Variants in IGF2BP1 observed in about 807,000 individuals in gnomAD.
The protein encoded by IGF2BP1 is insulin like growth factor 2 mRNA binding protein 1.
IGF2BP1 carries 11 observed loss-of-function variants against 74.9 expected under a neutral mutation model. That is an observed-to-expected ratio of 0.15 (90% confidence interval 0.09 to 0.24). The LOEUF is 0.24. Among genes scored for constraint, IGF2BP1 ranks in the 10% least tolerant of loss-of-function variants. The pLI is 1.00. For missense variants in IGF2BP1, 440 were observed against 757.4 expected, an observed-to-expected ratio of 0.58 and a Z score of 4.92; for synonymous variants, 287 against 281.8, an observed-to-expected ratio of 1.02 and a Z score of -0.18.
chr17:49,014,710 C>G (rs2041671015), intron 2 of IGF2BP1: 6 of 929,310 alleles, frequency 6.5e-6, no homozygotes, highest in Non-Finnish European at 7.7e-6. Flanking sequence ...TACTGCGCAG[C>G]GGCCGCCACT....
intron 4 of IGF2BP1, among the ~76,000 whole-genome samples, chr17:49,029,988 T>G (rs1319422378): frequency 5.3e-5 from 8 of 152,124 alleles, no homozygotes; most frequent in South Asian, 4.2e-4. Context: ...TTTTCCTAGT[T>G]AGAGCCAAGA....
At chr17:49,032,009 G>A (rs541664390) in intron 5 of IGF2BP1, 36 bp downstream of exon 5, 26 of 1,521,356 alleles carry the variant, frequency 1.7e-5, no homozygotes, top group Middle Eastern at 1.7e-4. Context: ...GGTGCGGTGG[G>A]GGGGGGTTCT....
intron 9 of IGF2BP1, among the ~76,000 whole-genome samples, chr17:49,043,144 A>ATCTC (rs1366867914): frequency 2.6e-5 from 4 of 152,182 alleles, no homozygotes; most frequent in Non-Finnish European, 4.4e-5. Context: ...AGCAGTCTGA[A>ATCTC]CAGCCAGAGA....
chr17:49,027,122 A>G (rs559689463), intron 4 of IGF2BP1, among the ~76,000 whole-genome samples: 1 of 152,168 alleles, frequency 6.6e-6, no homozygotes, highest in Non-Finnish European at 1.5e-5. Context: ...GGGGAAATAC[A>G]TTGGATTGGG....
At chr17:49,024,691 A>G (rs2041830995) in intron 2 of IGF2BP1, among the ~76,000 whole-genome samples, 1 of 152,234 alleles carries the variant, frequency 6.6e-6, no homozygotes, top group African/African-American at 2.4e-5. Flanking sequence ...TAAGTGGAGC[A>G]TAGGTTTAAA....
chr17:49,020,112 G>A (rs576836247), intron 2 of IGF2BP1, among the ~76,000 whole-genome samples: 215 of 151,312 alleles, frequency 1.4e-3, no homozygotes, highest in Admixed American at 0.011. Context: ...GGAGTGCAAT[G>A]GTGCGATCTC....
At chr17:49,025,382 A>G (rs1167157449) in intron 2 of IGF2BP1, among the ~76,000 whole-genome samples, 2 of 147,914 alleles carry the variant, frequency 1.4e-5, no homozygotes, top group Non-Finnish European at 3.0e-5. Context: ...GAGTGCTTAG[A>G]ACACCTGATT....
intron 2 of IGF2BP1, 81 bp from the exon 3 acceptor site, chr17:49,025,537 G>A: frequency 8.4e-7 from 1 of 1,189,784 alleles, no homozygotes; most frequent in Non-Finnish European, 1.2e-6. Context: ...TAGAAACTGG[G>A]GCAAGGATTA....
chr17:49,037,696 G>GT (rs1339290828), intron 5 of IGF2BP1, among the ~76,000 whole-genome samples: 1 of 152,218 alleles, frequency 6.6e-6, no homozygotes, highest in East Asian at 1.9e-4. Context: ...AAAGTTAGGA[G>GT]TATGTAGTAG....
Position 49,038,242 on chromosome 17 carries a change from T to C in IGF2BP1, c.476T>C (p.Ile159Thr), listed in dbSNP as rs766547480. ...GTCTCCTACATCCCCGATGAGCAGA[T>C]AGCACAGGGACCTGAGAATGGGCGC... ...LKVSYIPDEQ[I>T]AQGPENGRRG... The change falls in exon 6 of 15, where the codon ATA becomes ACA. Residue 159 changes from isoleucine to threonine, a missense_variant. By Grantham distance (89) the Ile-to-Thr change is moderately conservative. Around this residue, in one of 5 missense-constraint regions of IGF2BP1, gnomAD observed 184 missense variants for 273.4 expected, o/e 0.67. Transcript: ENST00000290341. 12 of 1,588,454 alleles carry C rather than the reference T, an allele frequency of 7.6e-6. No homozygotes were observed. The highest frequency in any genetic ancestry group is 1.0e-5 in the Non-Finnish European group (12 of 1,166,204).
intron 2 of IGF2BP1, among the ~76,000 whole-genome samples, chr17:49,022,712 C>T (rs1053035128): frequency 6.6e-6 from 1 of 152,202 alleles, no homozygotes; most frequent in Non-Finnish European, 1.5e-5. Context: ...TCACCACTGC[C>T]ACCCTTCTCC....
Position 49,046,392 on chromosome 17 carries a change from C to T in IGF2BP1, c.1641+19C>T. On this transcript the variant is annotated intron_variant, in intron 14 of 14. Coordinates refer to ENST00000290341, the MANE Select transcript of IGF2BP1 (RefSeq NM_006546.4). ...CAGTCAGGTACATATGGTGCTCCCC[C>T]ATTGAGGGAGGGCTGCAGGAGCCCA... The T allele has an allele frequency of 6.3e-7, 1 of 1,578,544 alleles. No homozygotes were observed. Among genetic ancestry groups the T allele is most frequent in the South Asian group, 1.1e-5 (1 of 90,350 alleles).
rs553730496 is a variant in IGF2BP1, at chr17:49,043,211, G to A, written c.1078-217G>A. 1.3e-3 allele frequency among the ~76,000 whole-genome samples: 195 copies of A among 152,306 alleles called. 1 individual carries two copies. The highest frequency in any genetic ancestry group is 2.8e-4 in the Non-Finnish European group (19 of 68,022). ...GCATTTCTGGTTGCAATTGCTAGCC[G>A]TTAGTCCAGTGAGAACATCATATCA... On this transcript the variant is annotated intron_variant, in intron 9 of 14. Coordinates refer to ENST00000290341, the MANE Select transcript of IGF2BP1 (RefSeq NM_006546.4).
chr17:49,039,172 G>A (rs923822422), intron 6 of IGF2BP1, among the ~76,000 whole-genome samples: 6 of 151,950 alleles, frequency 3.9e-5, no homozygotes, highest in African/African-American at 1.2e-4. Flanking sequence ...TACCACACCC[G>A]GCCTTTTCTC....
rs937177896 is a variant in IGF2BP1, at chr17:49,055,285, A to T, written c.*5841A>T. 1 of 204,624 alleles carries T rather than the reference A, an allele frequency of 4.9e-6. No individual in the cohort carries two copies. Among genetic ancestry groups the T allele is most frequent in the Non-Finnish European group, 9.8e-6 (1 of 102,538 alleles). The allele number at this position is 204,624 out of a possible 1,614,324, so 12.7% of individuals were successfully genotyped here. ...TGGCGATTTTCTTCACTTGTTTAAG[A>T]TAACGTGCTAGCTATTCCAACAGGT... On this transcript the variant is annotated 3_prime_UTR_variant, in exon 15 of 15. Coordinates refer to ENST00000290341, the MANE Select transcript of IGF2BP1 (RefSeq NM_006546.4).
At chr17:49,026,621 C>T (rs2041857465) in intron 4 of IGF2BP1, 104 bp downstream of exon 4, 1 of 475,302 alleles carries the variant, frequency 2.1e-6, no homozygotes, top group East Asian at 2.9e-5. Context: ...CCCTTCCTTC[C>T]TTCCTTCCTT....
Position 49,038,527 on chromosome 17 carries a change from A to G in IGF2BP1, c.683+78A>G, listed in dbSNP as rs529984556. On this transcript the variant is annotated intron_variant, in intron 6 of 14. Coordinates refer to ENST00000290341, the MANE Select transcript of IGF2BP1 (RefSeq NM_006546.4). ...GTACCTAAAGAGGCCTCCTGGAAGC[A>G]TGCTGGAGACATCAACATTTACCTT... is the stretch of plus-strand genomic sequence containing the variant. 39 of 1,327,058 alleles carry G rather than the reference A, an allele frequency of 2.9e-5. No individual in the cohort carries two copies. In the African/African-American group the frequency reaches 4.4e-4, roughly 15 times the overall value. 82.2% of individuals were successfully genotyped at this position (1,327,058 alleles called of 1,614,324 possible). A position where few individuals can be genotyped will look rare whatever the true frequency, so the allele number is the denominator to read the frequency against.
At chr17:48,998,525 G>A (rs891348214) in intron 1 of IGF2BP1, among the ~76,000 whole-genome samples, 18 of 152,128 alleles carry the variant, frequency 1.2e-4, no homozygotes, top group African/African-American at 4.1e-4. Context: ...CGGCGGCGCC[G>A]GGTCGCCATG....
intron 2 of IGF2BP1, among the ~76,000 whole-genome samples, chr17:49,011,581 C>T (rs893235737): frequency 1.3e-5 from 2 of 151,922 alleles, no homozygotes; most frequent in Non-Finnish European, 2.9e-5. Context: ...GGTGTGAACT[C>T]TGGAGGTTGA....
Sources: allele counts gnomAD v4.1 joint callset (sites outside exome capture counted in the v4.1 genomes callset), GRCh38; gene constraint gnomAD v4.1.1; regional missense constraint gnomAD v4.1.1; transcripts MANE v1.5; gene names NCBI Gene and HGNC (gene_info 2026-07-23, HGNC 2026-07-21).